Variants in PXDN observed in about 807,000 individuals in gnomAD.
PXDN encodes the protein peroxidasin homolog.
PXDN carries 77 observed loss-of-function variants against 140.3 expected under a neutral mutation model. The ratio of observed to expected loss-of-function variants is 0.55; its 90% confidence interval spans 0.46 to 0.66. The LOEUF is 0.66. PXDN is among the 30% of genes least tolerant of loss of function. PXDN has a pLI of 0.00. For missense variants in PXDN, 1,838 were observed against 2,039.5 expected (o/e 0.90, Z 1.90); for synonymous variants, 911 against 857.4 (o/e 1.06, Z -1.09).
intron 8 of PXDN, among the ~76,000 whole-genome samples, chr2:1,675,799 G>A (rs1226956288): frequency 7.0e-5 from 7 of 100,244 alleles, no homozygotes; most frequent in African/African-American, 2.1e-4. Flanking sequence ...GTTTGAGCCC[G>A]AGTATCAAAC....
At position 1,634,127 on chromosome 2, in the gene PXDN, A is replaced by G; in HGVS notation, c.*77T>C. ...GAGTTCTGGGTGTTTCCTGGTCTGC[A>G]GTCCGCAGCTCCCTGCCATCGGCCA... On this transcript the variant is annotated 3_prime_UTR_variant, in exon 23 of 23. Transcript: ENST00000252804. 1 of 1,528,146 alleles carries G rather than the reference A, an allele frequency of 6.5e-7. No homozygotes were observed. The highest frequency in any genetic ancestry group is 8.8e-7 in the Non-Finnish European group (1 of 1,130,668). 94.7% of individuals were successfully genotyped at this position (1,528,146 alleles called of 1,614,324 possible). A position where few individuals can be genotyped will look rare whatever the true frequency, so the allele number is the denominator to read the frequency against.
rs917806277 is a variant in PXDN, at chr2:1,687,100, G to T, written c.416+532C>A. 2.0e-5 allele frequency among the ~76,000 whole-genome samples: 3 copies of T among 152,176 alleles called. No individual in the cohort carries two copies. Among genetic ancestry groups the T allele is most frequent in the Non-Finnish European group, 4.4e-5 (3 of 68,040 alleles). On this transcript the variant is annotated intron_variant, in intron 4 of 22. Coordinates refer to ENST00000252804, the MANE Select transcript of PXDN (RefSeq NM_012293.3). The surrounding 1 kb of genome is among the most constrained non-coding windows in gnomAD (Gnocchi z 4.0). Reference sequence around the variant, plus strand: ...CACGTTGGCCAAAGAAACTAAGAGCGTTTCATGACACACTGCATACACTAA... The same window carrying T: ...CACGTTGGCCAAAGAAACTAAGAGCTTTTCATGACACACTGCATACACTAA...
chr2:1,642,405 T>A (rs1445255830), intron 19 of PXDN, among the ~76,000 whole-genome samples: 3 of 152,354 alleles, frequency 2.0e-5, no homozygotes, highest in Non-Finnish European at 4.4e-5. Flanking sequence ...GGAGAATATG[T>A]GGACAGTGTC....
At chr2:1,702,887 A>C (rs1347941778) in intron 1 of PXDN, among the ~76,000 whole-genome samples, 3 of 152,124 alleles carry the variant, frequency 2.0e-5, no homozygotes, top group South Asian at 2.1e-4. Flanking sequence ...TCGGCCTCTC[A>C]AAGTGCTTGG....
rs1319858415 is a variant in PXDN, at chr2:1,639,672, C to T, written c.3953-250G>A. Among the ~76,000 whole-genome samples the T allele has an allele frequency of 1.3e-5, 2 of 152,160 alleles. No individual in the cohort carries two copies. The highest frequency in any genetic ancestry group is 2.9e-5 in the Non-Finnish European group (2 of 68,010). On this transcript the variant is annotated intron_variant, in intron 19 of 22. Transcript: ENST00000252804. The surrounding 1 kb of genome is among the most constrained non-coding windows in gnomAD (Gnocchi z 5.0). ...TGGCCGCCCTGAGGACAGCTGGGCA[C>T]ACTGAGGAGGCTCACCACGCCATCT...
At chr2:1,730,643 G>A (rs1210445532) in intron 1 of PXDN, among the ~76,000 whole-genome samples, 1 of 152,134 alleles carries the variant, frequency 6.6e-6, no homozygotes, top group Non-Finnish European at 1.5e-5. Flanking sequence ...CCAGCTCCTG[G>A]TCCCCAGAAG....
chr2:1,665,985 C>T lies in PXDN; in HGVS notation c.1291+229G>A, dbSNP rs1040892751. Among the ~76,000 whole-genome samples the T allele has an allele frequency of 3.9e-5, 6 of 152,348 alleles. No individual in the cohort carries two copies. The East Asian group carries it at 1.2e-3, about 29-fold the overall frequency. On this transcript the variant is annotated intron_variant, in intron 10 of 22. Transcript: ENST00000252804. ...TGGCCAGGTGCTGGAGGTACAGAGA[C>T]ACGACAGCCAGCACACAGAGCCCAT...
At chr2:1,709,257 G>C (rs923747335) in intron 1 of PXDN, among the ~76,000 whole-genome samples, 2 of 152,218 alleles carry the variant, frequency 1.3e-5, no homozygotes, top group African/African-American at 4.8e-5. Context: ...GCACCAGCAG[G>C]TGACCACGGC....
intron 1 of PXDN, among the ~76,000 whole-genome samples, chr2:1,739,891 A>G (rs559455004): frequency 6.6e-6 from 1 of 152,354 alleles, no homozygotes; most frequent in East Asian, 1.9e-4. Context: ...GCGTGGCAAT[A>G]ATAAAGTCTT....
chr2:1,678,049 G>A (rs746214183), intron 7 of PXDN, among the ~76,000 whole-genome samples: 2 of 152,092 alleles, frequency 1.3e-5, no homozygotes, highest in Non-Finnish European at 2.9e-5. Flanking sequence ...GCCTCCTTCC[G>A]TCTCCCCAGC....
At chr2:1,740,411 G>T (rs1374463839) in intron 1 of PXDN, among the ~76,000 whole-genome samples, 1 of 152,094 alleles carries the variant, frequency 6.6e-6, no homozygotes, top group Non-Finnish European at 1.5e-5. Flanking sequence ...CTAGACACAG[G>T]AAGTCAGTTA....
chr2:1,655,475 AAC>A (rs1483209543), intron 14 of PXDN, among the ~76,000 whole-genome samples: 2 of 151,318 alleles, frequency 1.3e-5, no homozygotes, highest in East Asian at 3.9e-4. Context: ...ACATTGCACA[AAC>A]ACACCAGAGG....
intron 1 of PXDN, among the ~76,000 whole-genome samples, chr2:1,702,405 A>C (rs1410479361): frequency 6.6e-6 from 1 of 152,202 alleles, no homozygotes; most frequent in Admixed American, 6.5e-5. Flanking sequence ...GGACGGGGCA[A>C]GGAGCTGCTC....
intron 14 of PXDN, among the ~76,000 whole-genome samples, chr2:1,657,951 T>G (rs991700739): frequency 8.9e-6 from 1 of 112,352 alleles, no homozygotes; most frequent in Non-Finnish European, 1.8e-5. Flanking sequence ...TGCCCCCTCC[T>G]CACTGGGACT....
intron 1 of PXDN, among the ~76,000 whole-genome samples, chr2:1,705,079 G>A (rs1341768287): frequency 6.6e-6 from 1 of 151,240 alleles, no homozygotes; most frequent in African/African-American, 2.4e-5. Context: ...GCTCAACCCT[G>A]ATGTCGCCCG....
chr2:1,652,659 C>G (rs1364441049), intron 16 of PXDN, among the ~76,000 whole-genome samples: 1 of 151,972 alleles, frequency 6.6e-6, no homozygotes, highest in Non-Finnish European at 1.5e-5. Context: ...GAACATACAG[C>G]TTCACATTGG....
chr2:1,687,840 C>CTGTACTCACCGTGCAGAT lies in PXDN; in HGVS notation c.345-138_345-137insATCTGCACGGTGAGTACA. 1 of 636,916 alleles carries CTGTACTCACCGTGCAGAT rather than the reference C, an allele frequency of 1.6e-6. No homozygotes were observed. The highest frequency in any genetic ancestry group is 2.6e-6 in the Non-Finnish European group (1 of 379,436). The allele number at this position is 636,916 out of a possible 1,614,324, so 39.5% of individuals were successfully genotyped here. ...TTAGAATGCAAACAAACCATCTGCACGGTGAGTACAGTGCCTCTCCCAAGG... is the reference window on the plus strand; with the variant it reads ...TTAGAATGCAAACAAACCATCTGCACTGTACTCACCGTGCAGATGGTGAGTACAGTGCCTCTCCCAAGG... On this transcript the variant is annotated intron_variant, in intron 3 of 22. Transcript: ENST00000252804. This position sits in a 1 kb window ranked among gnomAD's most constrained non-coding sequence, Gnocchi z 4.0.
intron 1 of PXDN, among the ~76,000 whole-genome samples, chr2:1,738,794 G>A (rs1041967005): frequency 3.9e-5 from 6 of 152,148 alleles, no homozygotes; most frequent in African/African-American, 1.2e-4. Flanking sequence ...CAATCTGCCC[G>A]CCTTGGCCTC....
At chr2:1,743,652 G>A (rs1436803272) in intron 1 of PXDN, among the ~76,000 whole-genome samples, 1 of 144,668 alleles carries the variant, frequency 6.9e-6, no homozygotes, top group Non-Finnish European at 1.5e-5. Context: ...GGAAGGGGGG[G>A]AGGAGGAGGG....
Sources: allele counts gnomAD v4.1 joint callset (sites outside exome capture counted in the v4.1 genomes callset), GRCh38; gene constraint gnomAD v4.1.1; non-coding constraint Gnocchi (gnomAD v3.1); transcripts MANE v1.5; gene names NCBI Gene and HGNC (gene_info 2026-07-23, HGNC 2026-07-21).